BMP2: variants seen among roughly 807,000 people sequenced by gnomAD.
The protein encoded by BMP2 is bone morphogenetic protein 2A.
Under a neutral mutation model 28.8 loss-of-function variants are expected in BMP2, and 2 were observed. The ratio of observed to expected loss-of-function variants is 0.07; its 90% CI spans 0.03 to 0.22. BMP2 has a LOEUF of 0.22. Ranked by LOEUF, BMP2 falls within the 10% of genes least tolerant of loss-of-function variation. The pLI, the probability that BMP2 is intolerant of heterozygous loss-of-function variation, is 1.00. For missense variants in BMP2, 437 were observed against 517.7 expected (o/e 0.84, Z 1.51); for synonymous variants, 218 against 204.3 (o/e 1.07, Z -0.57).
Position 6,770,156 on chromosome 20 carries a change from G to A in BMP2, c.30G>A (p.Ala10=), listed in dbSNP as rs1349590097. MVAGTRCLL[A]LLLPQVLLGG... ...TGGCCGGGACCCGCTGTCTTCTAGCGTTGCTGCTTCCCCAGGTCCTCCTGG... is the reference window on the plus strand; with the variant it reads ...TGGCCGGGACCCGCTGTCTTCTAGCATTGCTGCTTCCCCAGGTCCTCCTGG... The change falls in exon 2 of 3, where the codon GCG becomes GCA. Residue 10 remains alanine, a synonymous_variant. Coordinates refer to ENST00000378827, the MANE Select transcript of BMP2 (RefSeq NM_001200.4). 3.8e-6 allele frequency: 6 copies of A among 1,567,660 alleles called. No individual in the cohort carries two copies. Among genetic ancestry groups the A allele is most frequent in the Non-Finnish European group, 5.2e-6 (6 of 1,157,234 alleles).
intron 2 of BMP2, among the ~76,000 whole-genome samples, chr20:6,773,045 GC>G (rs1223369272): frequency 1.3e-5 from 2 of 152,154 alleles, no homozygotes; most frequent in Non-Finnish European, 2.9e-5. Flanking sequence ...AAGTCTTTAT[GC>G]TTTTTTGTCA....
At position 6,770,277 on chromosome 20, in the gene BMP2, A is replaced by G. The variant is rs748698168; in HGVS notation, c.151A>G (p.Ser51Gly). 3.0e-5 allele frequency: 49 copies of G among 1,613,182 alleles called. 1 individual carries two copies. The South Asian group carries it at 4.8e-4, about 16-fold the overall frequency. ...PSSQPSDEVLSEFELRLLSMF... is the reference protein window; with the variant it reads ...PSSQPSDEVLGEFELRLLSMF... ...ATCCCAGCCCTCTGACGAGGTCCTG[A>G]GCGAGTTCGAGTTGCGGCTGCTCAG... Residue 51 changes from serine (S) to glycine (G), a missense_variant, in exon 2 of 3, where the codon AGC becomes GGC. Ser to Gly is a moderately conservative substitution (Grantham distance 56, BLOSUM62 0). Coordinates refer to ENST00000378827, the MANE Select transcript of BMP2 (RefSeq NM_001200.4).
Position 6,779,053 on chromosome 20 carries a change from T to C in BMP2, c.1155T>C (p.Tyr385=), listed in dbSNP as rs1215073539. The C allele has an allele frequency of 6.2e-7, 1 of 1,612,362 alleles. No homozygotes were observed. Among genetic ancestry groups the C allele is most frequent in the Non-Finnish European group, 8.5e-7 (1 of 1,179,760 alleles). The part of the protein sequence containing the change: ...DENEKVVLKN[Y]QDMVVEGCGC... The stretch of plus-strand genomic sequence containing the variant: ...ATGAAAAGGTTGTATTAAAGAACTA[T>C]CAGGACATGGTTGTGGAGGGTTGTG... The change falls in exon 3 of 3, where the codon TAT becomes TAC. Residue 385 remains tyrosine, a synonymous_variant. Coordinates refer to ENST00000378827, the MANE Select transcript of BMP2 (RefSeq NM_001200.4).
rs1383286346 is a variant in BMP2 at position 6,779,035 on chromosome 20, G to A, written c.1137G>A (p.Lys379=). The A allele has an allele frequency of 6.2e-7, 1 of 1,613,174 alleles. No individual in the cohort carries two copies. The part of the protein sequence containing the change: ...ISMLYLDENE[K]VVLKNYQDMV... ...TGCTGTACCTTGACGAGAATGAAAA[G>A]GTTGTATTAAAGAACTATCAGGACA... The change falls in exon 3 of 3, where the codon AAG becomes AAA. Residue 379 remains lysine (K), a synonymous_variant. Coordinates refer to ENST00000378827, the MANE Select transcript of BMP2 (RefSeq NM_001200.4).
Position 6,779,695 on chromosome 20 carries a change from T to C in BMP2, c.*606T>C, listed in dbSNP as rs572118492. On this transcript the variant is annotated 3_prime_UTR_variant, in exon 3 of 3. Transcript: ENST00000378827. ...TTCAATTCTCAGGAATGTTGCAGAG[T>C]GATTGTCCAATCCATGAGAATTTAC... 2 of 152,728 alleles carry C rather than the reference T, an allele frequency of 1.3e-5. No homozygotes were observed. Among genetic ancestry groups the C allele is most frequent in the African/African-American group, 4.8e-5 (2 of 41,546 alleles). The allele number at this position is 152,728 out of a possible 1,614,324, so 9.5% of individuals were successfully genotyped here. A position where few individuals can be genotyped will look rare whatever the true frequency, so the allele number is the denominator to read the frequency against.
chr20:6,769,512 C>T (rs368101553), intron 1 of BMP2, among the ~76,000 whole-genome samples: 1 of 152,012 alleles, frequency 6.6e-6, no homozygotes, highest in Non-Finnish European at 1.5e-5. Context: ...CGGGATGGAG[C>T]TGCCTTTCGA....
At chr20:6,773,726 T>C (rs1350508465) in intron 2 of BMP2, among the ~76,000 whole-genome samples, 3 of 152,194 alleles carry the variant, frequency 2.0e-5, no homozygotes, top group African/African-American at 7.2e-5. Flanking sequence ...TAACCTTTTG[T>C]ATTTGATATT....
intron 2 of BMP2, among the ~76,000 whole-genome samples, chr20:6,777,367 G>A (rs995538505): frequency 6.6e-6 from 1 of 151,836 alleles, no homozygotes; most frequent in African/African-American, 2.4e-5. Context: ...TTTTGGTTTT[G>A]TGTCCATCCT....
In BMP2 at chr20:6,779,298, CAG is replaced by C. The variant is rs1161505929; in HGVS notation, c.*213_*214del. ...AAGTTGGGAAAACAAATATTTTAAT[CAG>C]AGAATTATTCCTTAAAGATTTAAAA... On this transcript the variant is annotated 3_prime_UTR_variant, in exon 3 of 3. Coordinates refer to ENST00000378827, the MANE Select transcript of BMP2 (RefSeq NM_001200.4). 2.2e-5 allele frequency: 4 copies of C among 184,586 alleles called. No homozygotes were observed. Among genetic ancestry groups the C allele is most frequent in the Admixed American group, 6.1e-5 (1 of 16,408 alleles). The allele number at this position is 184,586 out of a possible 1,614,324, so 11.4% of individuals were successfully genotyped here.
At chr20:6,769,865 G>T (rs1279956550) in intron 1 of BMP2, among the ~76,000 whole-genome samples, 3 of 152,016 alleles carry the variant, frequency 2.0e-5, no homozygotes, top group African/African-American at 7.3e-5. Context: ...TGGGGGGGAG[G>T]GCAAATCCCA....
At position 6,768,291 on chromosome 20, in the gene BMP2, A is replaced by G; in HGVS notation, c.-592A>G. The stretch of plus-strand genomic sequence containing the variant: ...TAAGGCAGAGTGATGCGGGGGGGCA[A>G]CTCGCCTGGCACCGAGATCGCCGCC... On this transcript the variant is annotated 5_prime_UTR_variant, in exon 1 of 3. Transcript: ENST00000378827. 5.0e-6 allele frequency: 2 copies of G among 397,638 alleles called. No individual in the cohort carries two copies. The highest frequency in any genetic ancestry group is 8.9e-6 in the Non-Finnish European group (2 of 225,628). The allele number at this position is 397,638 out of a possible 1,614,324, so 24.6% of individuals were successfully genotyped here.
chr20:6,777,011 T>G (rs554882312), intron 2 of BMP2, among the ~76,000 whole-genome samples: 1 of 152,318 alleles, frequency 6.6e-6, no homozygotes, highest in South Asian at 2.1e-4. Flanking sequence ...GCAAATTCTG[T>G]TGGCAGTGAA....
rs1195694444 is a variant in BMP2, at chr20:6,779,989, T to C, written c.*900T>C. Reference sequence around the variant, plus strand: ...TATTGTGGTCATATATATTTAAAATTGATATCTCGTGGCCCTCATCAAGGG... The same window carrying C: ...TATTGTGGTCATATATATTTAAAATCGATATCTCGTGGCCCTCATCAAGGG... On this transcript the variant is annotated 3_prime_UTR_variant, in exon 3 of 3. Transcript: ENST00000378827. 6.6e-6 allele frequency: 1 copy of C among 152,650 alleles called. No individual in the cohort carries two copies. Among genetic ancestry groups the C allele is most frequent in the African/African-American group, 2.4e-5 (1 of 41,460 alleles). 9.5% of individuals were successfully genotyped at this position (152,650 alleles called of 1,614,324 possible).
intron 2 of BMP2, 29 bp downstream of exon 2, chr20:6,770,501 G>A: frequency 1.9e-6 from 3 of 1,549,472 alleles, no homozygotes; most frequent in Non-Finnish European, 2.6e-6. Flanking sequence ...CGTGGGGGCG[G>A]GGAGTCACCC....
chr20:6,775,131 G>A (rs1057297049), intron 2 of BMP2, among the ~76,000 whole-genome samples: 1 of 152,126 alleles, frequency 6.6e-6, no homozygotes, highest in Admixed American at 6.5e-5. Flanking sequence ...ACTAGCAATT[G>A]TATAAGTCTC....
rs1007705850 is a variant in BMP2 at position 6,779,980 on chromosome 20, A to T, written c.*891A>T. On this transcript the variant is annotated 3_prime_UTR_variant, in exon 3 of 3. Transcript: ENST00000378827. ...CATTATTGATATTGTGGTCATATAT[A>T]TTTAAAATTGATATCTCGTGGCCCT... 4.6e-5 allele frequency: 7 copies of T among 152,608 alleles called. No individual in the cohort carries two copies. The highest frequency in any genetic ancestry group is 8.8e-5 in the Non-Finnish European group (6 of 68,042). The allele number at this position is 152,608 out of a possible 1,614,324, so 9.5% of individuals were successfully genotyped here.
rs889002054 is a variant in BMP2, at chr20:6,779,266, C to T, written c.*177C>T. On this transcript the variant is annotated 3_prime_UTR_variant, in exon 3 of 3. Transcript: ENST00000378827. The stretch of plus-strand genomic sequence containing the variant: ...TATTTTGAAAATATATTTATATCTA[C>T]GAAAAGAAGTTGGGAAAACAAATAT... 1.5e-4 allele frequency: 33 copies of T among 212,934 alleles called. No individual in the cohort carries two copies. Among genetic ancestry groups the T allele is most frequent in the Middle Eastern group, 1.8e-3 (1 of 548 alleles). 13.2% of individuals were successfully genotyped at this position (212,934 alleles called of 1,614,324 possible).
Position 6,778,928 on chromosome 20 carries a change from A to G in BMP2, c.1030A>G (p.Ile344Val), listed in dbSNP as rs145193697. The G allele has an allele frequency of 2.2e-5, 36 of 1,613,842 alleles. No individual in the cohort carries two copies. The highest frequency in any genetic ancestry group is 3.0e-5 in the Non-Finnish European group (35 of 1,180,018). Residue 344 changes from isoleucine to valine, a missense_variant, in exon 3 of 3, where the codon ATT becomes GTT. Coordinates refer to ENST00000378827, the MANE Select transcript of BMP2 (RefSeq NM_001200.4). This position sits in a 1 kb window ranked among gnomAD's most constrained non-coding sequence, Gnocchi z 5.0. ...TCATCTGAACTCCACTAATCATGCC[A>G]TTGTTCAGACGTTGGTCAACTCTGT... ...ADHLNSTNHA[I>V]VQTLVNSVNS...
At chr20:6,776,215 A>G (rs777510839) in intron 2 of BMP2, among the ~76,000 whole-genome samples, 1 of 152,154 alleles carries the variant, frequency 6.6e-6, no homozygotes, top group Non-Finnish European at 1.5e-5. Context: ...TGTCTGGCCT[A>G]AAGTACCATT....
Sources: allele counts gnomAD v4.1 joint callset (sites outside exome capture counted in the v4.1 genomes callset), GRCh38; gene constraint gnomAD v4.1.1; non-coding constraint Gnocchi (gnomAD v3.1); transcripts MANE v1.5; gene names NCBI Gene and HGNC (gene_info 2026-07-23, HGNC 2026-07-21).